The following IL27 variants were observed in gnomAD, a reference collection of about 807,000 sequenced individuals.
IL27 encodes interleukin-27 subunit alpha.
A neutral mutation model predicts 27.0 loss-of-function variants in IL27; 11 were observed. The observed-to-expected ratio is 0.41, with a 90% CI of 0.26 to 0.67. The LOEUF is 0.67. IL27 is among the 30% of genes least tolerant of loss of function. The pLI is 0.34. For missense variants in IL27, 299 were observed against 310.4 expected (o/e 0.96, Z 0.28); for synonymous variants, 134 against 140.6 (o/e 0.95, Z 0.33).
chr16:28,504,725 C>G (rs959239969), intron 1 of IL27, among the ~76,000 whole-genome samples: 1 of 152,020 alleles, frequency 6.6e-6, no homozygotes, highest in Admixed American at 6.6e-5. Flanking sequence ...GCTGGGATCA[C>G]AGGGACACAC....
chr16:28,500,213 C>G (rs1567270198), intron 4 of IL27, among the ~76,000 whole-genome samples: 1 of 152,190 alleles, frequency 6.6e-6, no homozygotes, highest in Non-Finnish European at 1.5e-5. Context: ...GTGAAAGTTG[C>G]TTTTGGGTCG....
In IL27 at chr16:28,501,966, C is replaced by G; in HGVS notation, c.462+10G>C. The G allele has an allele frequency of 1.3e-6, 2 of 1,598,786 alleles. No individual in the cohort carries two copies. Among genetic ancestry groups the G allele is most frequent in the Non-Finnish European group, 1.7e-6 (2 of 1,174,994 alleles). ...GTGGTCTGGGGTGGTGGAGGGTGGCCGGGCTCTACCTGGAAGCGGAGGTGC... is the reference window on the plus strand; with the variant it reads ...GTGGTCTGGGGTGGTGGAGGGTGGCGGGGCTCTACCTGGAAGCGGAGGTGC... On this transcript the variant is annotated intron_variant, in intron 4 of 4. Transcript: ENST00000356897.
At chr16:28,504,954 C>T (rs905255376) in intron 1 of IL27, among the ~76,000 whole-genome samples, 40 of 152,220 alleles carry the variant, frequency 2.6e-4, no homozygotes, top group Non-Finnish European at 1.0e-4. Flanking sequence ...TGCACAACCA[C>T]GTGTGGCAGC....
intron 3 of IL27, among the ~76,000 whole-genome samples, chr16:28,502,637 G>A (rs879699299): frequency 1.3e-5 from 2 of 151,104 alleles, no homozygotes; most frequent in Non-Finnish European, 2.9e-5. Context: ...CATGCTTAAC[G>A]TTCACCCTCA....
intron 3 of IL27, among the ~76,000 whole-genome samples, chr16:28,503,319 A>G (rs2046443914): frequency 6.6e-6 from 1 of 152,020 alleles, no homozygotes; most frequent in Non-Finnish European, 1.5e-5. Flanking sequence ...CCAGGATCAT[A>G]ACTCACTGCA....
rs541445296 is a variant in IL27 at position 28,504,249 on chromosome 16, G to A, written c.32-199C>T. Among the ~76,000 whole-genome samples the A allele has an allele frequency of 7.9e-5, 12 of 152,306 alleles. 1 individual carries two copies. The highest frequency in any genetic ancestry group is 4.1e-4 in the South Asian group (2 of 4,828). ...TCCCAACAATTTAGGAGACCGAGGC[G>A]GGCGGATCACCTGAGGCCAGGAGTT... On this transcript the variant is annotated intron_variant, in intron 1 of 4. Transcript: ENST00000356897.
At chr16:28,501,581 A>C (rs2046430475) in intron 4 of IL27, among the ~76,000 whole-genome samples, 1 of 130,904 alleles carries the variant, frequency 7.6e-6, no homozygotes, top group Non-Finnish European at 1.7e-5. Flanking sequence ...ACTCACAGTC[A>C]CACCCACACA....
intron 1 of IL27, among the ~76,000 whole-genome samples, chr16:28,505,564 T>C (rs2046456769): frequency 6.6e-6 from 1 of 152,104 alleles, no homozygotes; most frequent in Non-Finnish European, 1.5e-5. Flanking sequence ...GTGATCCGCC[T>C]GCCTTGGCCT....
chr16:28,506,152 C>T (rs990452073), intron 1 of IL27, among the ~76,000 whole-genome samples: 1 of 152,022 alleles, frequency 6.6e-6, no homozygotes, highest in East Asian at 1.9e-4. Flanking sequence ...GACCCCAGAC[C>T]CCCTCCTTAC....
intron 1 of IL27, among the ~76,000 whole-genome samples, chr16:28,505,949 A>G (rs936258457): frequency 3.0e-4 from 45 of 152,160 alleles, no homozygotes; most frequent in African/African-American, 1.0e-3. Context: ...GTGGTGGGCG[A>G]TGCCTAACGT....
chr16:28,505,944 G>C (rs367604668), intron 1 of IL27, among the ~76,000 whole-genome samples: 9 of 152,226 alleles, frequency 5.9e-5, no homozygotes, highest in East Asian at 3.9e-4. Flanking sequence ...CAGATGTGGT[G>C]GGCGATGCCT....
chr16:28,500,606 T>C (rs931972620), intron 4 of IL27, among the ~76,000 whole-genome samples: 1 of 152,102 alleles, frequency 6.6e-6, no homozygotes, highest in Admixed American at 6.5e-5. Context: ...CTCATTTCAT[T>C]AAGTGTAAAA....
At chr16:28,502,532 A>G (rs240709) in intron 3 of IL27, among the ~76,000 whole-genome samples, 1 of 150,638 alleles carries the variant, frequency 6.6e-6, no homozygotes, top group East Asian at 2.0e-4. Context: ...ATGTGCCCAG[A>G]CTCACTCTTT....
chr16:28,503,607 C>T (rs547996009), intron 3 of IL27, 88 bp downstream of exon 3: 144 of 908,450 alleles, frequency 1.6e-4, no homozygotes, highest in Non-Finnish European at 1.8e-4. Context: ...ATCCCCAATG[C>T]ATCTCCAGCT....
chr16:28,502,198 C>G (rs2046436723), intron 3 of IL27, 64 bp from the exon 4 acceptor site: 1 of 1,450,716 alleles, frequency 6.9e-7, no homozygotes, highest in Non-Finnish European at 9.3e-7. Flanking sequence ...CACACCCACC[C>G]CCTCCCTATC....
rs1181675665 is a variant in IL27, at chr16:28,499,657, C to G, written c.726G>C (p.Gln242His). 1.2e-6 allele frequency: 2 copies of G among 1,610,316 alleles called. No homozygotes were observed. The highest frequency in any genetic ancestry group is 1.7e-5 in the Admixed American group (1 of 59,532). Residue 242 changes from glutamine (Q) to histidine (H), a missense_variant, in exon 5 of 5, where the codon CAG (glutamine) becomes CAC (histidine). By Grantham distance (24) the Gln-to-His change is conservative (BLOSUM62 0). Coordinates refer to ENST00000356897, the MANE Select transcript of IL27 (RefSeq NM_145659.3). ...GGGGCTAAGAAGCCACCGATCAGGG[C>G]TGGGGGCTCAATGTTGGGAACCCCA... ...WPLGFPTLSP[Q>H]P
Position 28,499,602 on chromosome 16 carries a change from A to C in IL27, c.*49T>G. ...AAGGCTGCCCTGATGCCAAGACTCCAGTCCTAAAGTTCTAAAGGGTGGGGG... is the reference window on the plus strand; with the variant it reads ...AAGGCTGCCCTGATGCCAAGACTCCCGTCCTAAAGTTCTAAAGGGTGGGGG... On this transcript the variant is annotated 3_prime_UTR_variant, in exon 5 of 5. Coordinates refer to ENST00000356897, the MANE Select transcript of IL27 (RefSeq NM_145659.3). 1 of 1,474,468 alleles carries C rather than the reference A, an allele frequency of 6.8e-7. No individual in the cohort carries two copies. The highest frequency in any genetic ancestry group is 2.0e-5 in the Admixed American group (1 of 50,792). 91.3% of individuals were successfully genotyped at this position (1,474,468 alleles called of 1,614,324 possible).
chr16:28,499,933 G>A lies in IL27; in HGVS notation c.463-13C>T. The A allele has an allele frequency of 6.5e-7, 1 of 1,538,016 alleles. No homozygotes were observed. The highest frequency in any genetic ancestry group is 1.4e-5 in the African/African-American group (1 of 72,872). ...CTGCAGCCAGCACCTGTGAGGAGAG[G>A]CCATGGGTCAGGGAGGGGCCAGGCC... On this transcript the variant is annotated splice_polypyrimidine_tract_variant and intron_variant, in intron 4 of 4. Coordinates refer to ENST00000356897, the MANE Select transcript of IL27 (RefSeq NM_145659.3).
At chr16:28,506,318 G>T (rs2046460711) in intron 1 of IL27, among the ~76,000 whole-genome samples, 1 of 152,162 alleles carries the variant, frequency 6.6e-6, no homozygotes. Flanking sequence ...ACCAGCCGCA[G>T]ATTGGACCTC....
Sources: gnomAD v4.1 joint callset for allele counts (sites outside exome capture counted in the v4.1 genomes callset) on GRCh38, gnomAD v4.1.1 for gene constraint, MANE v1.5 for transcripts, NCBI Gene and HGNC (gene_info 2026-07-23, HGNC 2026-07-21) for gene names.